Variants in DPP6 observed in about 807,000 individuals in gnomAD.
DPP6 encodes the protein dipeptidyl peptidase like 6, also known as A-type potassium channel modulatory protein DPP6.
A neutral mutation model predicts 122.6 loss-of-function variants in DPP6; 69 were observed. That is an observed-to-expected ratio of 0.56 (90% CI 0.46 to 0.69). The LOEUF is 0.69. Among genes scored for constraint, DPP6 ranks in the 30% least tolerant of loss-of-function variants. The pLI, the probability that DPP6 is intolerant of heterozygous loss-of-function variation, is 0.00. For missense variants in DPP6, 928 were observed against 1,116.9 expected, an observed-to-expected ratio of 0.83 and a Z score of 2.41; for synonymous variants, 418 against 433.1, an observed-to-expected ratio of 0.97 and a Z score of 0.43.
rs1461602905 is a variant in DPP6, at chr7:154,663,297, G to A, written c.681-6063G>A. On this transcript the variant is annotated intron_variant, in intron 6 of 25. Transcript: ENST00000377770. ...TATAGTCATGGTGAATCACCATGGC[G>A]TATTGGCCATAGTGTTCATAGAGTC... Among the ~76,000 whole-genome samples, 32 of 48,938 alleles carry A rather than the reference G, an allele frequency of 6.5e-4. 2 individuals carry two copies. Among genetic ancestry groups the A allele is most frequent in the Non-Finnish European group, 1.3e-3 (18 of 13,884 alleles). The allele number at this position is 48,938 out of a possible 152,430, so 32.1% of individuals were successfully genotyped here. A position where few individuals can be genotyped will look rare whatever the true frequency, so the allele number is the denominator to read the frequency against.
intron 1 of DPP6, among the ~76,000 whole-genome samples, chr7:153,910,626 G>A (rs1024638535): frequency 6.6e-6 from 1 of 152,140 alleles, no homozygotes; most frequent in East Asian, 1.9e-4. Context: ...ATTTCCCCCA[G>A]ACTTCACCTC....
intron 1 of DPP6, among the ~76,000 whole-genome samples, chr7:153,991,391 C>T (rs1341243585): frequency 6.6e-6 from 1 of 152,166 alleles, no homozygotes; most frequent in Non-Finnish European, 1.5e-5. Flanking sequence ...TAGTTTACAT[C>T]CATAGAAGAA....
chr7:154,635,819 A>G (rs564067365), intron 5 of DPP6, among the ~76,000 whole-genome samples: 3 of 152,304 alleles, frequency 2.0e-5, no homozygotes, highest in African/African-American at 4.8e-5. Flanking sequence ...CAGACTCTCC[A>G]TGGGGCTGCT....
At chr7:154,161,085 A>G (rs1022212807) in intron 1 of DPP6, among the ~76,000 whole-genome samples, 4 of 152,194 alleles carry the variant, frequency 2.6e-5, no homozygotes, top group African/African-American at 9.7e-5. Flanking sequence ...TCTTTTCTCC[A>G]AAAGAAATAG....
At chr7:154,722,623 G>A (rs1841876110) in intron 7 of DPP6, among the ~76,000 whole-genome samples, 1 of 152,170 alleles carries the variant, frequency 6.6e-6, no homozygotes, top group East Asian at 1.9e-4. Context: ...ATCAGGGGCG[G>A]CAGCAGGAGG....
chr7:153,818,790 C>T, the DPP6 span, among the ~76,000 whole-genome samples: 91 of 152,040 alleles, frequency 6.0e-4, no homozygotes, highest in African/African-American at 2.1e-3. Flanking sequence ...CTTGCTCTGT[C>T]GCCCAGGCTG....
Position 153,959,250 on chromosome 7 carries a change from C to T in DPP6, c.51+71516C>T, listed in dbSNP as rs1209050307. Among the ~76,000 whole-genome samples the T allele has an allele frequency of 2.0e-5, 3 of 151,886 alleles. No homozygotes were observed. The East Asian group carries it at 5.9e-4, about 30-fold the overall frequency. ...CAGAATTTTTCTGCAGTGCCTCTTT[C>T]CCTGGCACATAGCATGCTCGTTACT... On this transcript the variant is annotated intron_variant, in intron 1 of 25. Coordinates refer to the DPP6 transcript ENST00000404039.
chr7:154,873,942 A>G (rs1381814851), intron 19 of DPP6, among the ~76,000 whole-genome samples: 1 of 146,630 alleles, frequency 6.8e-6, no homozygotes, highest in Non-Finnish European at 1.5e-5. Flanking sequence ...ACATGTGCAC[A>G]CATGCACACA....
intron 1 of DPP6, among the ~76,000 whole-genome samples, chr7:154,149,853 T>A (rs1427154334): frequency 6.6e-6 from 1 of 152,068 alleles, no homozygotes; most frequent in Non-Finnish European, 1.5e-5. Flanking sequence ...CCCGCTCCAG[T>A]GGTACCCTCC....
intron 1 of DPP6, among the ~76,000 whole-genome samples, chr7:154,082,568 A>G (rs4726373): frequency 0.51 from 77,472 of 150,624 alleles, 20,062 homozygotes; most frequent in South Asian, 0.58. Context: ...GACATGAAGT[A>G]CAGAAAGTCC....
At chr7:154,858,430 T>A (rs1803020008) in intron 17 of DPP6, 3 of 152,292 alleles carry the variant, frequency 2.0e-5, no homozygotes, top group African/African-American at 7.2e-5. Context: ...CCTGCCCTCA[T>A]GCGGTCTGAA....
At chr7:154,115,341 C>G (rs1171665219) in intron 1 of DPP6, among the ~76,000 whole-genome samples, 5 of 152,240 alleles carry the variant, frequency 3.3e-5, no homozygotes, top group Non-Finnish European at 7.3e-5. Flanking sequence ...CATTATGAAC[C>G]TCAAAGCCAA....
intron 1 of DPP6, among the ~76,000 whole-genome samples, chr7:154,371,048 T>G (rs748116601): frequency 6.6e-6 from 1 of 152,126 alleles, no homozygotes; most frequent in Admixed American, 6.5e-5. Context: ...GGTTTTAGCT[T>G]TCTGCCAAAA....
chr7:154,363,624 A>G (rs540523972), intron 1 of DPP6, among the ~76,000 whole-genome samples: 24 of 152,234 alleles, frequency 1.6e-4, no homozygotes, highest in Non-Finnish European at 1.8e-4. Context: ...GCGGAAAACC[A>G]TGCTCCGTGG....
chr7:153,900,641 A>T (rs1270625312), intron 1 of DPP6, among the ~76,000 whole-genome samples: 1 of 152,196 alleles, frequency 6.6e-6, no homozygotes, highest in African/African-American at 2.4e-5. Flanking sequence ...CAAGCCATTC[A>T]TGAGGCGTCT....
intron 1 of DPP6, among the ~76,000 whole-genome samples, chr7:153,908,740 A>G (rs1300483715): frequency 6.6e-6 from 1 of 152,056 alleles, no homozygotes; most frequent in African/African-American, 2.4e-5. Flanking sequence ...GAATGGTCAC[A>G]TGTTGAATTT....
At chr7:154,465,023 T>G (rs1821663527) in intron 2 of DPP6, among the ~76,000 whole-genome samples, 1 of 152,198 alleles carries the variant, frequency 6.6e-6, no homozygotes, top group South Asian at 2.1e-4. Context: ...GGAGAAAAAT[T>G]ATACCAATAT....
At chr7:154,859,241 T>A (rs1803103896) in intron 17 of DPP6, among the ~76,000 whole-genome samples, 1 of 152,180 alleles carries the variant, frequency 6.6e-6, no homozygotes, top group African/African-American at 2.4e-5. Context: ...TGTTGAACAG[T>A]GTGCAAAGCA....
At chr7:154,207,680 G>C (rs1799519183) in intron 1 of DPP6, among the ~76,000 whole-genome samples, 1 of 152,200 alleles carries the variant, frequency 6.6e-6, no homozygotes, top group Non-Finnish European at 1.5e-5. Flanking sequence ...AACAAACCTA[G>C]AGCAATATAC....
Sources: allele counts gnomAD v4.1 joint callset (sites outside exome capture counted in the v4.1 genomes callset), GRCh38; gene constraint gnomAD v4.1.1; transcripts MANE v1.5; gene names NCBI Gene and HGNC (gene_info 2026-07-23, HGNC 2026-07-21).